Variants in SPSB4 observed in about 807,000 individuals in gnomAD.
SPSB4 encodes SPRY domain-containing SOCS box protein 4.
SPSB4 carries 21 observed loss-of-function variants against 20.9 expected under a neutral mutation model. That is an observed-to-expected ratio of 1.01 (90% CI 0.71 to 1.45). The LOEUF is 1.45. Ranked by LOEUF, SPSB4 falls within the 40% of genes most tolerant of loss-of-function variation. The pLI, the probability that SPSB4 is intolerant of heterozygous loss-of-function variation, is 0.00. For missense variants in SPSB4, 399 were observed against 399.2 expected, an observed-to-expected ratio of 1.00 and a Z score of 0.00; for synonymous variants, 207 against 183.8, an observed-to-expected ratio of 1.13 and a Z score of -1.02.
rs562733914 is a variant in SPSB4 at position 141,096,324 on chromosome 3, T to C, written c.694+29526T>C. ...GGACCTCCTAAAACACAGGTTGTAG[T>C]AGGACCCTCACCTCCCATCATCTGG... On this transcript the variant is annotated intron_variant, in intron 2 of 2. Coordinates refer to ENST00000310546, the MANE Select transcript of SPSB4 (RefSeq NM_080862.3). 2.0e-5 allele frequency among the ~76,000 whole-genome samples: 3 copies of C among 152,348 alleles called. No individual in the cohort carries two copies. The South Asian group carries it at 6.2e-4, about 32-fold the overall frequency.
At chr3:141,103,633 G>T (rs1938645710) in intron 2 of SPSB4, among the ~76,000 whole-genome samples, 1 of 152,132 alleles carries the variant, frequency 6.6e-6, no homozygotes, top group African/African-American at 2.4e-5. Context: ...AAATGAGAAT[G>T]TAGGGTAGGT....
chr3:141,066,091 C>A lies in SPSB4; in HGVS notation c.-14C>A, dbSNP rs1937862704. 2 of 1,508,944 alleles carry A rather than the reference C, an allele frequency of 1.3e-6. No individual in the cohort carries two copies. The highest frequency in any genetic ancestry group is 1.4e-5 in the African/African-American group (1 of 69,080). 93.5% of individuals were successfully genotyped at this position (1,508,944 alleles called of 1,614,324 possible). On this transcript the variant is annotated 5_prime_UTR_variant, in exon 2 of 3. Transcript: ENST00000310546. ...TAGCGGTGGCCTGCAGCGGCCTCCT[C>A]CCCGCAGTGAAGCATGGGCCAGAAG...
chr3:141,147,205 G>C lies in SPSB4; in HGVS notation c.758G>C (p.Arg253Pro). The change falls in exon 3 of 3, where the codon CGC becomes CCC. Residue 253 changes from arginine (R) to proline (P), a missense_variant. Coordinates refer to ENST00000310546, the MANE Select transcript of SPSB4 (RefSeq NM_080862.3). ...RSIRSALGRQRLQDISSLPLP... is the reference protein window; with the variant it reads ...RSIRSALGRQPLQDISSLPLP... ...ATCCGCTCGGCCCTGGGCCGCCAGC[G>C]CCTGCAGGACATCAGCTCCCTGCCC... 1.9e-6 allele frequency: 3 copies of C among 1,614,178 alleles called. No homozygotes were observed. The highest frequency in any genetic ancestry group is 2.7e-5 in the African/African-American group (2 of 75,054).
At chr3:141,057,984 A>T (rs1937690809) in intron 1 of SPSB4, among the ~76,000 whole-genome samples, 1 of 152,172 alleles carries the variant, frequency 6.6e-6, no homozygotes. Context: ...GCAGCCTGAG[A>T]TCCCCAGGGC....
At chr3:141,131,592 C>A (rs747956593) in intron 2 of SPSB4, among the ~76,000 whole-genome samples, 14 of 152,026 alleles carry the variant, frequency 9.2e-5, no homozygotes, top group African/African-American at 3.4e-4. Context: ...GAAGACGTCA[C>A]ACAAAATGTA....
chr3:141,100,040 C>A (rs1179390951), intron 2 of SPSB4, among the ~76,000 whole-genome samples: 6 of 152,158 alleles, frequency 3.9e-5, no homozygotes, highest in African/African-American at 1.4e-4. Flanking sequence ...CATGGCTCTG[C>A]CCTCTGTGCT....
intron 2 of SPSB4, among the ~76,000 whole-genome samples, chr3:141,127,411 T>C (rs2107803345): frequency 6.6e-6 from 1 of 152,316 alleles, no homozygotes; most frequent in East Asian, 1.9e-4. Flanking sequence ...AACAGCAGCT[T>C]AGAGCCAGCC....
rs1939431497 is a variant in SPSB4 at position 141,147,411 on chromosome 3, A to C, written c.*142A>C. Reference sequence around the variant, plus strand: ...ACACTCAGTTCTTTCAAAGACCAGGATGTGGTACCAACTTTGGAAACGAAA... The same window carrying C: ...ACACTCAGTTCTTTCAAAGACCAGGCTGTGGTACCAACTTTGGAAACGAAA... On this transcript the variant is annotated 3_prime_UTR_variant, in exon 3 of 3. Transcript: ENST00000310546. The C allele has an allele frequency of 7.1e-7, 1 of 1,408,988 alleles. No individual in the cohort carries two copies. Among genetic ancestry groups the C allele is most frequent in the African/African-American group, 1.4e-5 (1 of 70,096 alleles). The allele number at this position is 1,408,988 out of a possible 1,614,324, so 87.3% of individuals were successfully genotyped here.
rs1939449705 is a variant in SPSB4, at chr3:141,148,239, G to C, written c.*970G>C. ...TTGAGCAAATTATTTTTTCACTTTAGGAGACTTCTACAAGTTTGTTTCCTG... is the reference window on the plus strand; with the variant it reads ...TTGAGCAAATTATTTTTTCACTTTACGAGACTTCTACAAGTTTGTTTCCTG... On this transcript the variant is annotated 3_prime_UTR_variant, in exon 3 of 3. Coordinates refer to ENST00000310546, the MANE Select transcript of SPSB4 (RefSeq NM_080862.3). The surrounding 1 kb of genome is among the most constrained non-coding windows in gnomAD (Gnocchi z 4.5). 6.6e-6 allele frequency: 1 copy of C among 152,620 alleles called. No homozygotes were observed. The highest frequency in any genetic ancestry group is 6.5e-5 in the Admixed American group (1 of 15,272). The allele number at this position is 152,620 out of a possible 1,614,324, so 9.5% of individuals were successfully genotyped here. A position where few individuals can be genotyped will look rare whatever the true frequency, so the allele number is the denominator to read the frequency against.
rs114330934 is a variant in SPSB4 at position 141,124,481 on chromosome 3, G to A, written c.695-22661G>A. ...CACTCACAGGCCTCTGCCTAGGAGGGTCTGATGAGGATGTGGAGAAGGGCT... is the reference window on the plus strand; with the variant it reads ...CACTCACAGGCCTCTGCCTAGGAGGATCTGATGAGGATGTGGAGAAGGGCT... On this transcript the variant is annotated intron_variant, in intron 2 of 2. Transcript: ENST00000310546. 7.4e-3 allele frequency among the ~76,000 whole-genome samples: 1,132 copies of A among 152,322 alleles called. 20 individuals carry two copies. Among genetic ancestry groups the A allele is most frequent in the African/African-American group, 0.026 (1,065 of 41,554 alleles).
chr3:141,087,496 T>G (rs568483540), intron 2 of SPSB4, among the ~76,000 whole-genome samples: 1 of 152,142 alleles, frequency 6.6e-6, no homozygotes, highest in African/African-American at 2.4e-5. Context: ...GTCCAGCATG[T>G]GCTGGGGGAG....
At chr3:141,061,841 T>C (rs918754707) in intron 1 of SPSB4, among the ~76,000 whole-genome samples, 14 of 151,746 alleles carry the variant, frequency 9.2e-5, no homozygotes, top group African/African-American at 2.7e-4. Flanking sequence ...GTTAAAGCAG[T>C]CCTCCCACCT....
At chr3:141,136,774 G>T (rs1345207723) in intron 2 of SPSB4, among the ~76,000 whole-genome samples, 1 of 152,228 alleles carries the variant, frequency 6.6e-6, no homozygotes, top group Admixed American at 6.5e-5. Flanking sequence ...GAGGTAGCGT[G>T]ATGCCTCCAG....
chr3:141,103,008 T>G (rs1243082866), intron 2 of SPSB4, among the ~76,000 whole-genome samples: 1 of 152,082 alleles, frequency 6.6e-6, no homozygotes, highest in Non-Finnish European at 1.5e-5. Flanking sequence ...TACGGTCACT[T>G]ACAAAAAAAG....
chr3:141,108,944 A>G (rs1938749213), intron 2 of SPSB4, among the ~76,000 whole-genome samples: 2 of 152,240 alleles, frequency 1.3e-5, no homozygotes, highest in African/African-American at 4.8e-5. Flanking sequence ...TCCAAGGTGC[A>G]TACGAGGAAG....
At chr3:141,094,950 T>A (rs1203838032) in intron 2 of SPSB4, among the ~76,000 whole-genome samples, 1 of 151,952 alleles carries the variant, frequency 6.6e-6, no homozygotes, top group Non-Finnish European at 1.5e-5. Flanking sequence ...ATTTTCTCAG[T>A]GGCTGCACTG....
At chr3:141,143,679 GT>G (rs1939371143) in intron 2 of SPSB4, among the ~76,000 whole-genome samples, 1 of 152,238 alleles carries the variant, frequency 6.6e-6, no homozygotes, top group Non-Finnish European at 1.5e-5. Context: ...ATTAACTCCT[GT>G]TTCTCCTTCC....
chr3:141,113,825 G>A (rs1369258291), intron 2 of SPSB4, among the ~76,000 whole-genome samples: 1 of 152,218 alleles, frequency 6.6e-6, no homozygotes, highest in Non-Finnish European at 1.5e-5. Context: ...GCCGAGCGTG[G>A]TGGCTCACGA....
chr3:141,084,073 A>G (rs1938295079), intron 2 of SPSB4, among the ~76,000 whole-genome samples: 1 of 152,162 alleles, frequency 6.6e-6, no homozygotes, highest in Admixed American at 6.5e-5. Flanking sequence ...ATGAGGCCGC[A>G]GTGTGGGAAG....
Sources: gnomAD v4.1 joint callset for allele counts (sites outside exome capture counted in the v4.1 genomes callset) on GRCh38, gnomAD v4.1.1 for gene constraint, Gnocchi (gnomAD v3.1) non-coding constraint, MANE v1.5 for transcripts, NCBI Gene and HGNC (gene_info 2026-07-23, HGNC 2026-07-21) for gene names.